The following DEK variants were observed in gnomAD, a reference collection of about 807,000 sequenced individuals.
The protein encoded by DEK is DEK proto-oncogene.
In DEK, 28 loss-of-function variants were observed where a neutral mutation model predicts 46.8. The ratio of observed to expected loss-of-function variants is 0.60; its 90% CI spans 0.44 to 0.82. The LOEUF (loss-of-function observed/expected upper bound fraction) is 0.82. DEK is among the 40% of genes least tolerant of loss of function. DEK has a pLI of 0.00. For synonymous variants in DEK, 160 were observed against 144.5 expected, an observed-to-expected ratio of 1.11 and a Z score of -0.77; for missense variants, 416 against 430.6, an observed-to-expected ratio of 0.97 and a Z score of 0.30.
chr6:18,253,429 T>C (rs180943141), intron 6 of DEK, among the ~76,000 whole-genome samples: 3 of 152,330 alleles, frequency 2.0e-5, no homozygotes, highest in East Asian at 1.9e-4. Context: ...TGAGATGATA[T>C]TTATATTAAT....
chr6:18,240,693 A>G (rs1026368661), intron 7 of DEK, among the ~76,000 whole-genome samples: 2 of 152,192 alleles, frequency 1.3e-5, no homozygotes, highest in Non-Finnish European at 2.9e-5. Flanking sequence ...CAGTGGCTCA[A>G]TCCTGTAATC....
rs1247028772 is a variant in DEK, at chr6:18,225,610, C to T, written c.*109G>A. On this transcript the variant is annotated 3_prime_UTR_variant, in exon 11 of 11. Transcript: ENST00000652689. Reference sequence around the variant, plus strand: ...AAAGGTCAGCAGTAAGTTCTACTAACGTTGCTTAACAAGGATTTAGAAAAG... The same window carrying T: ...AAAGGTCAGCAGTAAGTTCTACTAATGTTGCTTAACAAGGATTTAGAAAAG... The T allele has an allele frequency of 6.3e-6, 8 of 1,278,422 alleles. No homozygotes were observed. The highest frequency in any genetic ancestry group is 5.0e-5 in the East Asian group (2 of 39,984). 79.2% of individuals were successfully genotyped at this position (1,278,422 alleles called of 1,614,324 possible).
chr6:18,242,057 C>T (rs1790911314), intron 7 of DEK, among the ~76,000 whole-genome samples: 1 of 152,208 alleles, frequency 6.6e-6, no homozygotes. Flanking sequence ...ATCAGGAATT[C>T]TAGAGAGAAC....
At chr6:18,247,981 T>C (rs886654732) in intron 7 of DEK, among the ~76,000 whole-genome samples, 3 of 152,176 alleles carry the variant, frequency 2.0e-5, no homozygotes, top group African/African-American at 7.2e-5. Flanking sequence ...CTGCCCTCAC[T>C]TTTTAACCTG....
rs1262343899 is a variant in DEK at position 18,224,902 on chromosome 6, T to C, written c.*817A>G. 4 of 213,092 alleles carry C rather than the reference T, an allele frequency of 1.9e-5. No individual in the cohort carries two copies. Among genetic ancestry groups the C allele is most frequent in the Non-Finnish European group, 2.9e-5 (3 of 105,054 alleles). The allele number at this position is 213,092 out of a possible 1,614,324, so 13.2% of individuals were successfully genotyped here. ...ATATAAAACGTACCTACAGACACTT[T>C]TACAGAGTTAATACTAAAATTACAA... On this transcript the variant is annotated 3_prime_UTR_variant, in exon 11 of 11. Coordinates refer to ENST00000652689, the MANE Select transcript of DEK (RefSeq NM_003472.4).
At chr6:18,261,333 G>A (rs1387989199) in intron 2 of DEK, among the ~76,000 whole-genome samples, 1 of 152,204 alleles carries the variant, frequency 6.6e-6, no homozygotes, top group Non-Finnish European at 1.5e-5. Context: ...AAAACTCTGG[G>A]AGGCTGAGAC....
intron 9 of DEK, among the ~76,000 whole-genome samples, chr6:18,230,708 G>A (rs1248359947): frequency 1.3e-5 from 2 of 152,134 alleles, no homozygotes; most frequent in African/African-American, 4.8e-5. Flanking sequence ...CCCAATACAG[G>A]AGCACCCAGA....
chr6:18,263,422 C>A (rs748378788), intron 2 of DEK, among the ~76,000 whole-genome samples: 3 of 152,016 alleles, frequency 2.0e-5, no homozygotes, highest in Non-Finnish European at 4.4e-5. Flanking sequence ...CGGGCTGCAC[C>A]AAGACCTTAC....
intron 9 of DEK, among the ~76,000 whole-genome samples, chr6:18,234,830 C>T (rs556165271): frequency 1.3e-5 from 2 of 152,088 alleles, no homozygotes; most frequent in African/African-American, 4.8e-5. Flanking sequence ...TACTATTTTC[C>T]TTCCAAAGAC....
chr6:18,226,020 G>T, intron 10 of DEK, 154 bp downstream of exon 10: 1 of 804,096 alleles, frequency 1.2e-6, no homozygotes, highest in Non-Finnish European at 1.8e-6. Flanking sequence ...CTTTAAAGTG[G>T]GAATGAGAAG....
At chr6:18,255,088 A>G (rs1791545395) in intron 6 of DEK, among the ~76,000 whole-genome samples, 1 of 152,172 alleles carries the variant, frequency 6.6e-6, no homozygotes, top group Admixed American at 6.5e-5. Context: ...CCTAAATCAC[A>G]CTAAAAAGGC....
At chr6:18,263,653 G>A (rs1791972201) in intron 2 of DEK, among the ~76,000 whole-genome samples, 190 bp downstream of exon 2, 1 of 152,166 alleles carries the variant, frequency 6.6e-6, no homozygotes, top group African/African-American at 2.4e-5. Flanking sequence ...TTAAAAACCG[G>A]AATACACAAA....
chr6:18,235,052 T>TGACTTCCTCTCC (rs1790588376), intron 9 of DEK, among the ~76,000 whole-genome samples: 1 of 152,212 alleles, frequency 6.6e-6, no homozygotes, highest in Non-Finnish European at 1.5e-5. Context: ...AATTTCTCTT[T>TGACTTCCTCTCC]GACTTCCTCT....
intron 9 of DEK, among the ~76,000 whole-genome samples, chr6:18,229,883 C>A (rs1232415565): frequency 1.3e-5 from 2 of 152,212 alleles, no homozygotes; most frequent in East Asian, 3.9e-4. Context: ...GAGAACACCA[C>A]AAAAATACTC....
chr6:18,248,315 GATA>G (rs1250275016), intron 7 of DEK, among the ~76,000 whole-genome samples: 3 of 152,138 alleles, frequency 2.0e-5, no homozygotes, highest in African/African-American at 7.2e-5. Flanking sequence ...TATATTCTAT[GATA>G]ATGTTTCGTG....
chr6:18,255,940 G>T, intron 5 of DEK, 89 bp from the exon 6 acceptor site: 1 of 1,456,844 alleles, frequency 6.9e-7, no homozygotes, highest in Non-Finnish European at 9.1e-7. Context: ...CAACCAAATT[G>T]GCTCAGTTAC....
intron 9 of DEK, among the ~76,000 whole-genome samples, chr6:18,230,718 A>T (rs1293848509): frequency 2.0e-5 from 3 of 152,214 alleles, no homozygotes; most frequent in African/African-American, 7.2e-5. Context: ...GAGCACCCAG[A>T]TTCATAAAGC....
intron 9 of DEK, among the ~76,000 whole-genome samples, chr6:18,228,986 T>G (rs1582251619): frequency 6.6e-6 from 1 of 152,182 alleles, no homozygotes; most frequent in East Asian, 1.9e-4. Context: ...GTGGCCTAAC[T>G]GGGAGACACC....
At chr6:18,230,752 G>C (rs1022397446) in intron 9 of DEK, among the ~76,000 whole-genome samples, 1 of 152,168 alleles carries the variant, frequency 6.6e-6, no homozygotes, top group Non-Finnish European at 1.5e-5. Flanking sequence ...CCTACAAAGA[G>C]ACGTAGACTC....
Sources: allele counts gnomAD v4.1 joint callset (sites outside exome capture counted in the v4.1 genomes callset), GRCh38; gene constraint gnomAD v4.1.1; transcripts MANE v1.5; gene names NCBI Gene and HGNC (gene_info 2026-07-23, HGNC 2026-07-21).